Variants in ACSBG1 observed in about 807,000 individuals in gnomAD.
ACSBG1 encodes acyl-CoA synthetase bubblegum family member 1, also known as long-chain-fatty-acid--CoA ligase ACSBG1.
ACSBG1 carries 39 observed loss-of-function variants against 80.2 expected under a neutral mutation model. The observed-to-expected ratio is 0.49, with a 90% CI of 0.38 to 0.64. ACSBG1 has a LOEUF of 0.64. ACSBG1 is among the 30% of genes least tolerant of loss of function. The pLI is 0.00. For missense variants in ACSBG1, 828 were observed against 966.4 expected, an observed-to-expected ratio of 0.86 and a Z score of 1.90; for synonymous variants, 392 against 379.5, an observed-to-expected ratio of 1.03 and a Z score of -0.38.
intron 1 of ACSBG1, among the ~76,000 whole-genome samples, chr15:78,221,737 C>T (rs573753806): frequency 7.9e-5 from 12 of 152,236 alleles, no homozygotes; most frequent in South Asian, 4.2e-4. Context: ...GAGGTCCCTG[C>T]GGCTTTCTGC....
chr15:78,172,879 TCA>T lies in ACSBG1; in HGVS notation c.2089+712_2089+713del, dbSNP rs1210866205. On this transcript the variant is annotated intron_variant, in intron 13 of 13. Transcript: ENST00000258873. This position sits in a 1 kb window ranked among gnomAD's most constrained non-coding sequence, Gnocchi z 4.1. The stretch of plus-strand genomic sequence containing the variant: ...GGTCCGGAACAGCCTTATCCCTTTG[TCA>T]CACAAGCTGACTTTCCGGAAGATCA... Among the ~76,000 whole-genome samples, 1 of 152,188 alleles carries T rather than the reference TCA, an allele frequency of 6.6e-6. No homozygotes were observed. Among genetic ancestry groups the T allele is most frequent in the East Asian group, 1.9e-4 (1 of 5,196 alleles).
chr15:78,196,267 C>T (rs1356865062), intron 2 of ACSBG1, among the ~76,000 whole-genome samples: 1 of 152,232 alleles, frequency 6.6e-6, no homozygotes, highest in Admixed American at 6.5e-5. Flanking sequence ...CAAGCCTTGC[C>T]CCATATCCCG....
chr15:78,232,368 C>G (rs1290757130), intron 1 of ACSBG1, among the ~76,000 whole-genome samples: 2 of 152,244 alleles, frequency 1.3e-5, no homozygotes, highest in Non-Finnish European at 1.5e-5. Context: ...GACCCATTTA[C>G]CCTTTCAGGA....
chr15:78,181,060 A>G, intron 8 of ACSBG1, 124 bp from the exon 9 acceptor site: 2 of 1,107,436 alleles, frequency 1.8e-6, no homozygotes, highest in Non-Finnish European at 2.5e-6. Context: ...ACACACCTGC[A>G]CGCAAGGGTG....
At chr15:78,185,041 G>A (rs897926614) in intron 5 of ACSBG1, among the ~76,000 whole-genome samples, 16 of 120,214 alleles carry the variant, frequency 1.3e-4, no homozygotes, top group Admixed American at 8.5e-4. Context: ...AGAGAAAGGG[G>A]CGGAGGGGAG....
In ACSBG1 at chr15:78,173,736, A is replaced by G; in HGVS notation, c.1946T>C (p.Ile649Thr). ...VGSRATTVSEIIEKKDEAVYQ... is the reference protein window; with the variant it reads ...VGSRATTVSETIEKKDEAVYQ... ...CACGGCCTCATCCTTCTTCTCTATGATCTCGGACACTGTGGTGGCTCTGCT... is the reference window on the plus strand; with the variant it reads ...CACGGCCTCATCCTTCTTCTCTATGGTCTCGGACACTGTGGTGGCTCTGCT... The change falls in exon 13 of 14, where the codon ATC becomes ACC. Residue 649 changes from isoleucine to threonine, a missense_variant. By Grantham distance (89) the Ile-to-Thr change is moderately conservative. This residue lies in a region of ACSBG1 where 201 missense variants were observed against 227.0 expected (regional missense o/e 0.89). Coordinates refer to ENST00000258873, the MANE Select transcript of ACSBG1 (RefSeq NM_015162.5). 1 of 1,614,002 alleles carries G rather than the reference A, an allele frequency of 6.2e-7. No individual in the cohort carries two copies. Among genetic ancestry groups the G allele is most frequent in the African/African-American group, 1.3e-5 (1 of 74,972 alleles).
At chr15:78,223,942 C>G (rs1274738614) in intron 1 of ACSBG1, among the ~76,000 whole-genome samples, 3 of 152,144 alleles carry the variant, frequency 2.0e-5, no homozygotes, top group Non-Finnish European at 2.9e-5. Flanking sequence ...GGGTGGAATG[C>G]TGGAGCACCA....
intron 8 of ACSBG1, among the ~76,000 whole-genome samples, chr15:78,181,303 G>T (rs976184066): frequency 1.3e-5 from 2 of 152,016 alleles, no homozygotes; most frequent in African/African-American, 4.8e-5. Context: ...GAAACTTGCT[G>T]GGGGGTTTCT....
intron 5 of ACSBG1, among the ~76,000 whole-genome samples, chr15:78,187,733 A>C (rs1437928144): frequency 1.3e-5 from 2 of 152,210 alleles, no homozygotes; most frequent in African/African-American, 4.8e-5. Flanking sequence ...GAATGGGCAA[A>C]AACTGGAAGC....
At chr15:78,199,773 A>G (rs2075150180) in intron 2 of ACSBG1, among the ~76,000 whole-genome samples, 2 of 151,416 alleles carry the variant, frequency 1.3e-5, no homozygotes, top group South Asian at 4.2e-4. Flanking sequence ...CTGGGATTAC[A>G]GGTGTGAGCC....
chr15:78,207,445 A>C (rs8033802), intron 2 of ACSBG1, among the ~76,000 whole-genome samples: 90,268 of 151,964 alleles, frequency 0.59, 27,328 homozygotes, highest in East Asian at 0.86. Flanking sequence ...TGCACAAAAG[A>C]TGTATTATTA....
At chr15:78,201,153 C>T (rs545242952) in intron 2 of ACSBG1, among the ~76,000 whole-genome samples, 53 of 152,334 alleles carry the variant, frequency 3.5e-4, no homozygotes, top group African/African-American at 1.3e-3. Flanking sequence ...GCCTCTCCCA[C>T]CACCCTGGAG....
chr15:78,173,899 CCT>C, intron 12 of ACSBG1, 60 bp from the exon 13 acceptor site: 1 of 1,568,224 alleles, frequency 6.4e-7, no homozygotes, highest in Non-Finnish European at 8.6e-7. Flanking sequence ...AAGCCCTGGT[CCT>C]GGAGGAGGTC....
chr15:78,224,277 C>T (rs147624869), intron 1 of ACSBG1, among the ~76,000 whole-genome samples: 38 of 152,272 alleles, frequency 2.5e-4, no homozygotes, highest in Non-Finnish European at 3.7e-4. Context: ...CAGAACCACT[C>T]AGCTAAGTTG....
At chr15:78,185,063 GA>G (rs2074987183) in intron 5 of ACSBG1, among the ~76,000 whole-genome samples, 2 of 150,138 alleles carry the variant, frequency 1.3e-5, no homozygotes. Flanking sequence ...GAGAGAGAGA[GA>G]GAGAGAGAGA....
At chr15:78,182,279 G>T in intron 7 of ACSBG1, 134 bp from the exon 8 acceptor site, 1 of 1,338,492 alleles carries the variant, frequency 7.5e-7, no homozygotes, top group Non-Finnish European at 1.0e-6. Context: ...AAAACCCCAG[G>T]ACAGGCCTCC....
chr15:78,193,781 G>C, intron 4 of ACSBG1, 151 bp downstream of exon 4: 1 of 1,418,546 alleles, frequency 7.0e-7, no homozygotes, highest in Non-Finnish European at 9.5e-7. Flanking sequence ...CCTGCAGAGA[G>C]GGCGCCAGAT....
chr15:78,174,634 C>T, intron 11 of ACSBG1, 110 bp from the exon 12 acceptor site: 8 of 1,341,186 alleles, frequency 6.0e-6, no homozygotes, highest in Non-Finnish European at 8.0e-6. Context: ...GCTGGAGATG[C>T]CCCCTTTCTG....
intron 1 of ACSBG1, among the ~76,000 whole-genome samples, chr15:78,216,058 G>A (rs1418905169): frequency 1.3e-5 from 2 of 152,162 alleles, no homozygotes; most frequent in African/African-American, 4.8e-5. Flanking sequence ...TAGAAACTGG[G>A]TATTGCTTTT....
Sources: gnomAD v4.1 joint callset for allele counts (sites outside exome capture counted in the v4.1 genomes callset) on GRCh38, gnomAD v4.1.1 for gene constraint, gnomAD v4.1.1 regional missense constraint, Gnocchi (gnomAD v3.1) non-coding constraint, MANE v1.5 for transcripts, NCBI Gene and HGNC (gene_info 2026-07-23, HGNC 2026-07-21) for gene names.